PIGL: variants seen among roughly 807,000 people sequenced by gnomAD.
PIGL encodes N-acetylglucosaminyl-phosphatidylinositol de-N-acetylase.
A neutral mutation model predicts 31.1 loss-of-function variants in PIGL; 22 were observed. That is an observed-to-expected ratio of 0.71 (90% CI 0.51 to 1.01). PIGL has a LOEUF of 1.01. Among genes scored for constraint, PIGL ranks in the 50% least tolerant of loss-of-function variants. The pLI, the probability that PIGL is intolerant of heterozygous loss-of-function variation, is 0.00. For missense variants in PIGL, 302 were observed against 315.9 expected (o/e 0.96, Z 0.33); for synonymous variants, 131 against 117.4 (o/e 1.12, Z -0.75).
chr17:16,220,234 G>C (rs1265807829), intron 1 of PIGL, among the ~76,000 whole-genome samples: 2 of 151,838 alleles, frequency 1.3e-5, no homozygotes, highest in East Asian at 3.9e-4. Context: ...TGTAGTCCCA[G>C]CTACTCGGGA....
At chr17:16,229,944 C>T (rs1207530998) in intron 1 of PIGL, among the ~76,000 whole-genome samples, 1 of 144,796 alleles carries the variant, frequency 6.9e-6, no homozygotes. Context: ...TCACTGCAAC[C>T]TCCACCTCCT....
chr17:16,256,007 T>G (rs1383509186), intron 2 of PIGL, among the ~76,000 whole-genome samples: 1 of 151,800 alleles, frequency 6.6e-6, no homozygotes, highest in Non-Finnish European at 1.5e-5. Context: ...CTTCAAGTAA[T>G]ATGACTAGGG....
chr17:16,304,959 T>A (rs1324991632), intron 3 of PIGL, among the ~76,000 whole-genome samples: 1 of 152,004 alleles, frequency 6.6e-6, no homozygotes, highest in Non-Finnish European at 1.5e-5. Flanking sequence ...CCACTAGATG[T>A]CAGTAGCAAT....
At chr17:16,315,708 C>CTTTTTTTTTTTTTT (rs1157169209) in intron 4 of PIGL, among the ~76,000 whole-genome samples, 26 of 58,990 alleles carry the variant, frequency 4.4e-4, no homozygotes, top group East Asian at 9.7e-4. Context: ...TTCTTTCTTT[C>CTTTTTTTTTTTTTT]TTTTTTTTTT....
At chr17:16,320,815 A>G (rs901368931) in intron 6 of PIGL, among the ~76,000 whole-genome samples, 3 of 151,890 alleles carry the variant, frequency 2.0e-5, no homozygotes, top group Non-Finnish European at 4.4e-5. Context: ...TTGTATTTTT[A>G]ATAGAGATGG....
chr17:16,263,097 G>T (rs964487475), intron 2 of PIGL, among the ~76,000 whole-genome samples: 3 of 151,488 alleles, frequency 2.0e-5, no homozygotes, highest in African/African-American at 4.9e-5. Flanking sequence ...TTTATTTGGG[G>T]GGGGGGGATG....
chr17:16,292,017 C>G (rs1600831445), intron 2 of PIGL, among the ~76,000 whole-genome samples: 1 of 146,416 alleles, frequency 6.8e-6, no homozygotes, highest in Admixed American at 6.8e-5. Context: ...TTAGATTTTT[C>G]AAAGTAATGG....
chr17:16,307,610 T>A (rs949057497), intron 3 of PIGL, among the ~76,000 whole-genome samples: 3 of 152,198 alleles, frequency 2.0e-5, no homozygotes, highest in Non-Finnish European at 4.4e-5. Flanking sequence ...CCCCAGTGCC[T>A]GGTACAGAGT....
chr17:16,244,442 T>TC (rs1226975945), intron 2 of PIGL, among the ~76,000 whole-genome samples: 1 of 152,220 alleles, frequency 6.6e-6, no homozygotes, highest in African/African-American at 2.4e-5. Flanking sequence ...TCAATATTAG[T>TC]AATCGTGTTT....
At chr17:16,253,340 G>A (rs761087966) in intron 2 of PIGL, among the ~76,000 whole-genome samples, 32 of 152,096 alleles carry the variant, frequency 2.1e-4, no homozygotes, top group Non-Finnish European at 4.0e-4. Context: ...TAAAGTGCAT[G>A]GGGGCCCAAT....
At chr17:16,312,059 C>T (rs1294056221) in intron 3 of PIGL, among the ~76,000 whole-genome samples, 6 of 148,192 alleles carry the variant, frequency 4.0e-5, no homozygotes, top group African/African-American at 1.3e-4. Context: ...CCCAACCTCC[C>T]GGACGGGGTG....
At chr17:16,221,871 G>A (rs939285829) in intron 1 of PIGL, among the ~76,000 whole-genome samples, 23 of 152,082 alleles carry the variant, frequency 1.5e-4, no homozygotes, top group African/African-American at 5.3e-4. Context: ...CGCCCACCTC[G>A]GCCTCCCAGA....
intron 2 of PIGL, among the ~76,000 whole-genome samples, chr17:16,293,904 G>A (rs990399842): frequency 6.6e-6 from 1 of 152,196 alleles, no homozygotes; most frequent in South Asian, 2.1e-4. Context: ...GGAGTTCAGT[G>A]AAGGTTTCTA....
chr17:16,316,559 C>T, intron 4 of PIGL, 122 bp from the exon 5 acceptor site: 2 of 932,458 alleles, frequency 2.1e-6, no homozygotes, highest in Non-Finnish European at 3.2e-6. Context: ...GCAAAAGAAA[C>T]CACCTGGAGA....
chr17:16,278,641 C>T (rs2092905195), intron 2 of PIGL, among the ~76,000 whole-genome samples: 1 of 151,486 alleles, frequency 6.6e-6, no homozygotes. Flanking sequence ...TTTCACAAAC[C>T]TTCCACAACT....
In PIGL at chr17:16,320,050, T is replaced by C. The variant is rs1171901265; in HGVS notation, c.660+2142T>C. On this transcript the variant is annotated intron_variant, in intron 6 of 6. Transcript: ENST00000225609. Reference sequence around the variant, plus strand: ...CCTGTAGTCTCAGCTGCTTGGGAGGTTGGGGTGGGAGGATGGCTTGAGCCC... The same window carrying C: ...CCTGTAGTCTCAGCTGCTTGGGAGGCTGGGGTGGGAGGATGGCTTGAGCCC... Among the ~76,000 whole-genome samples, 3 of 147,918 alleles carry C rather than the reference T, an allele frequency of 2.0e-5. No individual in the cohort carries two copies. In the East Asian group the frequency reaches 6.0e-4, roughly 30 times the overall value.
At chr17:16,234,718 T>A (rs748054917) in intron 2 of PIGL, among the ~76,000 whole-genome samples, 6 of 152,200 alleles carry the variant, frequency 3.9e-5, no homozygotes, top group Non-Finnish European at 7.3e-5. Context: ...TGAGCCAAGA[T>A]CACACCATTG....
At chr17:16,223,897 C>T (rs1380445357) in intron 1 of PIGL, among the ~76,000 whole-genome samples, 1 of 151,978 alleles carries the variant, frequency 6.6e-6, no homozygotes, top group Non-Finnish European at 1.5e-5. Context: ...ATCTCAACAA[C>T]CCTGTCTTAA....
intron 2 of PIGL, among the ~76,000 whole-genome samples, chr17:16,280,048 C>A (rs889567092): frequency 4.6e-5 from 7 of 152,180 alleles, no homozygotes; most frequent in Admixed American, 4.6e-4. Context: ...TACATCAGGG[C>A]AGAAGCCCAG....
Sources: allele counts gnomAD v4.1 joint callset (sites outside exome capture counted in the v4.1 genomes callset), GRCh38; gene constraint gnomAD v4.1.1; transcripts MANE v1.5; gene names NCBI Gene and HGNC (gene_info 2026-07-23, HGNC 2026-07-21).